Variants in LCOR observed in about 807,000 individuals in gnomAD.
LCOR encodes the protein ligand-dependent corepressor.
In LCOR, 14 loss-of-function variants were observed where a neutral mutation model predicts 64.4. That is an observed-to-expected ratio of 0.22 (90% confidence interval 0.14 to 0.34). LCOR has a LOEUF of 0.34. Ranked by LOEUF, LCOR falls within the 10% of genes least tolerant of loss-of-function variation. The pLI is 1.00. For synonymous variants in LCOR, 643 were observed against 642.5 expected, an observed-to-expected ratio of 1.00 and a Z score of -0.01; for missense variants, 1,686 against 1,765.3, an observed-to-expected ratio of 0.96 and a Z score of 0.80.
rs1027106364 is a variant in LCOR at position 96,989,926 on chromosome 10, C to G, written c.*4792C>G. The G allele has an allele frequency of 6.6e-6, 1 of 151,100 alleles. No homozygotes were observed. The allele number at this position is 151,100 out of a possible 1,614,324, so 9.4% of individuals were successfully genotyped here. A position where few individuals can be genotyped will look rare whatever the true frequency, so the allele number is the denominator to read the frequency against. ...TTGTCAGTGGCCCCAAATCACTGATCGTTTTAGTTGTTTTGAAACAATTAT... is the reference window on the plus strand; with the variant it reads ...TTGTCAGTGGCCCCAAATCACTGATGGTTTTAGTTGTTTTGAAACAATTAT... On this transcript the variant is annotated 3_prime_UTR_variant, in exon 8 of 8. Transcript: ENST00000421806.
At chr10:96,833,029 C>T (rs1267113782) in intron 1 of LCOR, 4 of 985,752 alleles carry the variant, frequency 4.1e-6, no homozygotes, top group Non-Finnish European at 2.4e-6. Context: ...CTGACCGAGC[C>T]AAGTGGGGTG....
In LCOR at chr10:96,983,831, G is replaced by A; in HGVS notation, c.3371G>A (p.Gly1124Asp). 6.2e-7 allele frequency: 1 copy of A among 1,614,120 alleles called. No homozygotes were observed. The highest frequency in any genetic ancestry group is 8.5e-7 in the Non-Finnish European group (1 of 1,180,018). Residue 1124 changes from glycine to aspartate, a missense_variant, in exon 8 of 8, where the codon GGC becomes GAC. By Grantham distance (94) the Gly-to-Asp change is moderately conservative (BLOSUM62 -1). Coordinates refer to ENST00000421806, the MANE Select transcript of LCOR (RefSeq NM_001346516.2). This position sits in a 1 kb window ranked among gnomAD's most constrained non-coding sequence, Gnocchi z 4.5. ...FNAQYMKVQKGWIQLEKEGQP... is the reference protein window; with the variant it reads ...FNAQYMKVQKDWIQLEKEGQP... ...GCCCAGTACATGAAAGTTCAGAAGG[G>A]CTGGATCCAGTTGGAGAAAGAAGGA...
chr10:96,884,269 T>C (rs1384504694), intron 2 of LCOR, among the ~76,000 whole-genome samples: 1 of 152,208 alleles, frequency 6.6e-6, no homozygotes. Flanking sequence ...ATTTCAAATA[T>C]AGCAAATAGC....
chr10:96,860,967 A>G (rs950891240), intron 2 of LCOR, among the ~76,000 whole-genome samples: 1 of 152,218 alleles, frequency 6.6e-6, no homozygotes, highest in African/African-American at 2.4e-5. Context: ...GACAGTTAGT[A>G]TTTTGGTGAG....
chr10:96,977,706 C>T (rs1564644629), intron 7 of LCOR, among the ~76,000 whole-genome samples: 2 of 152,124 alleles, frequency 1.3e-5, no homozygotes, highest in Non-Finnish European at 2.9e-5. Context: ...GGGTCTCACT[C>T]TGTCACCCAG....
intron 2 of LCOR, among the ~76,000 whole-genome samples, chr10:96,872,562 G>A (rs1405915039): frequency 1.3e-5 from 2 of 152,154 alleles, no homozygotes; most frequent in Non-Finnish European, 2.9e-5. Context: ...GTACGCACCT[G>A]TAGTCCCAGC....
intron 7 of LCOR, chr10:96,954,986 C>G: frequency 6.2e-7 from 1 of 1,614,040 alleles, no homozygotes. Flanking sequence ...ACCGCCCAGA[C>G]GGACTTCGGA....
At chr10:96,915,171 C>T (rs1846916581) in intron 4 of LCOR, among the ~76,000 whole-genome samples, 1 of 152,116 alleles carries the variant, frequency 6.6e-6, no homozygotes, top group Non-Finnish European at 1.5e-5. Flanking sequence ...TATGCCCCTT[C>T]CCCCAAAAAC....
At chr10:96,936,274 ATG>A (rs1847349705) in intron 4 of LCOR, among the ~76,000 whole-genome samples, 1 of 152,248 alleles carries the variant, frequency 6.6e-6, no homozygotes, top group Non-Finnish European at 1.5e-5. Context: ...TACTTAGAGG[ATG>A]TGTGTTTAAA....
chr10:96,898,128 A>G (rs1846573294), intron 2 of LCOR, among the ~76,000 whole-genome samples: 1 of 152,182 alleles, frequency 6.6e-6, no homozygotes, highest in Non-Finnish European at 1.5e-5. Context: ...TTCTTTGCTG[A>G]AAATCTAGCG....
intron 2 of LCOR, among the ~76,000 whole-genome samples, chr10:96,876,480 T>C (rs970522415): frequency 6.6e-6 from 1 of 152,196 alleles, no homozygotes; most frequent in Non-Finnish European, 1.5e-5. Context: ...GGAAATGGTT[T>C]ATATAAAAAT....
chr10:96,861,824 G>A (rs1845892608), intron 2 of LCOR, among the ~76,000 whole-genome samples: 1 of 152,076 alleles, frequency 6.6e-6, no homozygotes, highest in East Asian at 1.9e-4. Context: ...GAGTCACTGC[G>A]CCCAACCAAG....
intron 2 of LCOR, among the ~76,000 whole-genome samples, chr10:96,844,007 T>A (rs1845584027): frequency 6.6e-6 from 1 of 152,192 alleles, no homozygotes; most frequent in Non-Finnish European, 1.5e-5. Flanking sequence ...ATTACAGATT[T>A]GATTCGTAAT....
In LCOR at chr10:96,989,695, A is replaced by ATATATATTTTT. The variant is rs1371771053; in HGVS notation, c.*4562_*4563insATATATTTTTT. On this transcript the variant is annotated 3_prime_UTR_variant, in exon 8 of 8. Coordinates refer to ENST00000421806, the MANE Select transcript of LCOR (RefSeq NM_001346516.2). ...TAAGGATATATATATATATATATAT[A>ATATATATTTTT]TTTTTTTTTTTTTTTTTTTTTTTTA... 29 of 86,160 alleles carry ATATATATTTTT rather than the reference A, an allele frequency of 3.4e-4. 1 individual carries two copies. The highest frequency in any genetic ancestry group is 1.7e-3 in the African/African-American group (28 of 16,170). The allele number at this position is 86,160 out of a possible 1,614,324, so 5.3% of individuals were successfully genotyped here.
chr10:96,852,627 A>G (rs897664454), intron 2 of LCOR, among the ~76,000 whole-genome samples: 5 of 152,198 alleles, frequency 3.3e-5, no homozygotes, highest in African/African-American at 9.7e-5. Context: ...CTCAACCTGT[A>G]TATCTATTTT....
chr10:96,887,639 A>G (rs1846366284), intron 2 of LCOR, among the ~76,000 whole-genome samples: 1 of 151,764 alleles, frequency 6.6e-6, no homozygotes, highest in Non-Finnish European at 1.5e-5. Flanking sequence ...GAAAATATGC[A>G]TAAAAGCACT....
In LCOR at chr10:96,981,154, C is replaced by A; in HGVS notation, c.694C>A (p.Pro232Thr). 1.4e-6 allele frequency: 1 copy of A among 710,216 alleles called. No homozygotes were observed. Among genetic ancestry groups the A allele is most frequent in the Non-Finnish European group, 2.6e-6 (1 of 391,628 alleles). 44.0% of individuals were successfully genotyped at this position (710,216 alleles called of 1,614,324 possible). ...TPKKPPPEIN[P>T]VDGRENALTV... ...GAAGAAGCCTCCTCCTGAGATAAACCCTGTAGATGGAAGAGAGAATGCCTT... is the reference window on the plus strand; with the variant it reads ...GAAGAAGCCTCCTCCTGAGATAAACACTGTAGATGGAAGAGAGAATGCCTT... Residue 232 changes from proline to threonine, a missense_variant, in exon 8 of 8, where the codon CCT (proline) becomes ACT (threonine). This residue lies in a region of LCOR where 313 missense variants were observed against 247.2 expected (regional missense o/e 1.27). Coordinates refer to ENST00000421806, the MANE Select transcript of LCOR (RefSeq NM_001346516.2).
At position 96,904,922 on chromosome 10, in the gene LCOR, C is replaced by A. The variant is rs751334403; in HGVS notation, c.-329-2343C>A. 4.6e-5 allele frequency among the ~76,000 whole-genome samples: 7 copies of A among 152,244 alleles called. No individual in the cohort carries two copies. The South Asian group carries it at 1.4e-3, about 32-fold the overall frequency. ...CCAGTGAACAGAGGGTAGCAAAATA[C>A]GACTTTACAGTATCTAATCAATAAT... On this transcript the variant is annotated intron_variant, in intron 2 of 7. Transcript: ENST00000421806.
In LCOR at chr10:96,936,189, C is replaced by A. The variant is rs140448647; in HGVS notation, c.-183-7924C>A. ...AGGGGCCCACCAGCTTTTATTGGAT[C>A]AGGCAAAGGAAATTAGAAACTAGTT... On this transcript the variant is annotated intron_variant, in intron 4 of 7. Transcript: ENST00000421806. 2.4e-3 allele frequency among the ~76,000 whole-genome samples: 362 copies of A among 152,364 alleles called. 5 individuals are homozygous for A. Among genetic ancestry groups the A allele is most frequent in the African/African-American group, 7.9e-3 (329 of 41,592 alleles).
Sources: gnomAD v4.1 joint callset for allele counts (sites outside exome capture counted in the v4.1 genomes callset) on GRCh38, gnomAD v4.1.1 for gene constraint, gnomAD v4.1.1 regional missense constraint, Gnocchi (gnomAD v3.1) non-coding constraint, MANE v1.5 for transcripts, NCBI Gene and HGNC (gene_info 2026-07-23, HGNC 2026-07-21) for gene names.